Variants in LAMA5 observed in about 807,000 individuals in gnomAD.
LAMA5 encodes the protein laminin subunit alpha 5, also known as laminin subunit alpha-5.
In LAMA5, 260 loss-of-function variants were observed where a neutral mutation model predicts 433.4. The observed-to-expected ratio is 0.60, with a 90% CI of 0.54 to 0.66. The LOEUF (loss-of-function observed/expected upper bound fraction) is 0.66, where lower values mean the gene tolerates loss of function less well. Ranked by LOEUF, LAMA5 falls within the 30% of genes least tolerant of loss-of-function variation. The pLI is 0.00. For synonymous variants in LAMA5, 2,620 were observed against 2,226.6 expected (o/e 1.18, Z -4.97); for missense variants, 5,378 against 5,258.5 (o/e 1.02, Z -0.70).
chr20:62,345,754 T>G, intron 11 of LAMA5, 64 bp downstream of exon 11: 1 of 1,215,476 alleles, frequency 8.2e-7, no homozygotes, highest in Non-Finnish European at 1.2e-6. Flanking sequence ...CCAGGAACTT[T>G]CTGTGAAGCC....
chr20:62,360,155 CT>C (rs1985814113), intron 2 of LAMA5, among the ~76,000 whole-genome samples: 1 of 151,084 alleles, frequency 6.6e-6, no homozygotes, highest in Non-Finnish European at 1.5e-5. Flanking sequence ...TGGCAGCCCC[CT>C]GGCCTAGGCC....
chr20:62,323,974 C>T lies in LAMA5; in HGVS notation c.5768+106G>A, dbSNP rs1271360024. 2.8e-6 allele frequency: 4 copies of T among 1,422,726 alleles called. No homozygotes were observed. The African/African-American group carries it at 4.3e-5, about 15-fold the overall frequency. 88.1% of individuals were successfully genotyped at this position (1,422,726 alleles called of 1,614,324 possible). A position where few individuals can be genotyped will look rare whatever the true frequency, so the allele number is the denominator to read the frequency against. ...TCGGGGGCCCAGACCTCACGGACAC[C>T]TCCAGCTGTCCAGGCCTCTGCAGAG... On this transcript the variant is annotated intron_variant, in intron 43 of 79. Coordinates refer to ENST00000252999, the MANE Select transcript of LAMA5 (RefSeq NM_005560.6).
chr20:62,309,230 T>G lies in LAMA5; in HGVS notation c.*106A>C, dbSNP rs1009683703. 2 of 1,093,668 alleles carry G rather than the reference T, an allele frequency of 1.8e-6. No homozygotes were observed. The highest frequency in any genetic ancestry group is 1.6e-5 in the African/African-American group (1 of 62,916). 67.7% of individuals were successfully genotyped at this position (1,093,668 alleles called of 1,614,324 possible). On this transcript the variant is annotated 3_prime_UTR_variant, in exon 80 of 80. Coordinates refer to ENST00000252999, the MANE Select transcript of LAMA5 (RefSeq NM_005560.6). ...TTAAACCATCTTCAGAAACAAGATC[T>G]GTCACCCGTAGAGCTTAGAGTCCAA...
chr20:62,332,378 G>T lies in LAMA5; in HGVS notation c.3546C>A (p.Phe1182Leu), dbSNP rs774368540. Residue 1182 changes from phenylalanine (F) to leucine (L), a missense_variant, in exon 28 of 80, where the codon TTC becomes TTA. Phe to Leu is a conservative substitution (Grantham distance 22, BLOSUM62 0). Transcript: ENST00000252999. Reference protein sequence around the residue: ...SVRLTAEQARFFLHGVTLVPI... With the variant: ...SVRLTAEQARLFLHGVTLVPI... Reference sequence around the variant, plus strand: ...GGACCTGAGGGGTCCTTACCAGGAAGAAGCGTGCCTGTTCGGCTGTGAGCC... The same window carrying T: ...GGACCTGAGGGGTCCTTACCAGGAATAAGCGTGCCTGTTCGGCTGTGAGCC... 1.9e-6 allele frequency: 3 copies of T among 1,611,028 alleles called. No individual in the cohort carries two copies. The highest frequency in any genetic ancestry group is 1.1e-5 in the South Asian group (1 of 91,042).
At chr20:62,320,317 TC>T (rs1197864637) in intron 50 of LAMA5, among the ~76,000 whole-genome samples, 14 of 22,182 alleles carry the variant, frequency 6.3e-4, no homozygotes, top group Admixed American at 2.0e-3. Context: ...AAACTGTGTC[TC>T]AAAAAAAAAA....
intron 45 of LAMA5, among the ~76,000 whole-genome samples, chr20:62,323,254 G>C (rs1228938837): frequency 9.6e-6 from 1 of 104,218 alleles, no homozygotes; most frequent in East Asian, 2.7e-4. Context: ...CGCTGGGGCG[G>C]GAGGGCCTGA....
intron 1 of LAMA5, among the ~76,000 whole-genome samples, chr20:62,363,184 T>C (rs1986346278): frequency 1.3e-5 from 2 of 152,094 alleles, no homozygotes; most frequent in South Asian, 4.1e-4. Context: ...GATTAGGGTC[T>C]CCAGAGAGAC....
chr20:62,324,831 C>T lies in LAMA5; in HGVS notation c.5530-277G>A, dbSNP rs2146141903. 2.0e-6 allele frequency: 1 copy of T among 496,428 alleles called. No individual in the cohort carries two copies. The highest frequency in any genetic ancestry group is 3.7e-6 in the Non-Finnish European group (1 of 271,242). The allele number at this position is 496,428 out of a possible 1,614,324, so 30.8% of individuals were successfully genotyped here. On this transcript the variant is annotated intron_variant, in intron 41 of 79. Coordinates refer to ENST00000252999, the MANE Select transcript of LAMA5 (RefSeq NM_005560.6). This position sits in a 1 kb window ranked among gnomAD's most constrained non-coding sequence, Gnocchi z 4.4. ...AGGCCTTGGGGCTGGTGACCACCCA[C>T]TCCATGTGGACCAGGGCCTACTCTT...
At position 62,312,427 on chromosome 20, in the gene LAMA5, C is replaced by G; in HGVS notation, c.9333G>C (p.Val3111=). ...GCAGGTCGGCGGTGCAGCCGGCGCT[C>G]ACGCCTGTCGTGTTCAGCCGCTTGA... is the stretch of plus-strand genomic sequence containing the variant. ...VDLKRLNTTG[V]SAGCTADLLV... is the part of the protein sequence containing the mutation. The change falls in exon 68 of 80, where the codon GTG becomes GTC. Residue 3111 remains valine, a synonymous_variant. Transcript: ENST00000252999. 6.3e-7 allele frequency: 1 copy of G among 1,597,998 alleles called. No homozygotes were observed. Among genetic ancestry groups the G allele is most frequent in the Non-Finnish European group, 8.5e-7 (1 of 1,179,454 alleles).
intron 45 of LAMA5, among the ~76,000 whole-genome samples, chr20:62,323,213 C>T (rs62204513): frequency 0.23 from 33,548 of 148,518 alleles, 3,887 homozygotes; most frequent in African/African-American, 0.27. Context: ...TGTGATGGTC[C>T]GGGGGAGGCC....
In LAMA5 at chr20:62,311,211, G is replaced by A. The variant is rs1037948018; in HGVS notation, c.10039C>T (p.Leu3347=). ...CCCACAAACTCCAGGTGACTGGACA[G>A]GGAACCCCCAAACTGGTAGGAGTCT... ...TRDSYQFGGS[L]SSHLEFVGIL... The change falls in exon 73 of 80, where the codon CTG becomes TTG. Residue 3347 remains leucine, a synonymous_variant. Transcript: ENST00000252999. 6.2e-7 allele frequency: 1 copy of A among 1,610,128 alleles called. No individual in the cohort carries two copies. Among genetic ancestry groups the A allele is most frequent in the African/African-American group, 1.3e-5 (1 of 74,794 alleles).
At chr20:62,366,208 G>A (rs1452381316) in intron 1 of LAMA5, among the ~76,000 whole-genome samples, 1 of 152,216 alleles carries the variant, frequency 6.6e-6, no homozygotes, top group African/African-American at 2.4e-5. Flanking sequence ...TAAGTCTACA[G>A]GGCCCCAAGA....
Position 62,337,835 on chromosome 20 carries a change from G to A in LAMA5, c.1995C>T (p.Ser665=), listed in dbSNP as rs1166359552. The stretch of plus-strand genomic sequence containing the variant: ...AGCTGGGGAAGCCGTGAAAGCCGGG[G>A]CTGCATTCCTGGCAGGCAGTGCCTG... The part of the protein sequence containing the change: ...GYTGTACQEC[S]PGFHGFPSCV... Residue 665 remains serine, a synonymous_variant, in exon 15 of 80, where the codon AGC becomes AGT. Coordinates refer to ENST00000252999, the MANE Select transcript of LAMA5 (RefSeq NM_005560.6). The A allele has an allele frequency of 1.2e-6, 2 of 1,612,662 alleles. No homozygotes were observed. Among genetic ancestry groups the A allele is most frequent in the Non-Finnish European group, 1.7e-6 (2 of 1,179,966 alleles).
Position 62,310,440 on chromosome 20 carries a change from T to G in LAMA5, c.10579A>C (p.Ser3527Arg), listed in dbSNP as rs766741381. Residue 3527 changes from serine (S) to arginine (R), a missense_variant, in exon 76 of 80, where the codon AGC (serine) becomes CGC (arginine). Physicochemically the swap from Ser to Arg is moderately radical, Grantham distance 110. Coordinates refer to ENST00000252999, the MANE Select transcript of LAMA5 (RefSeq NM_005560.6). ...PLEAGLFFPG[S>R]GGVITLDLPG... ...AGACCTAAAGTGATAACTCCCCCGC[T>G]GCCTGGGAAGAACAGGCCCGCCTCC... is the stretch of plus-strand genomic sequence containing the variant. 37 of 1,604,882 alleles carry G rather than the reference T, an allele frequency of 2.3e-5. No homozygotes were observed. The highest frequency in any genetic ancestry group is 3.1e-5 in the Non-Finnish European group (37 of 1,176,704).
intron 40 of LAMA5, 125 bp downstream of exon 40, chr20:62,326,552 C>G: frequency 1.4e-6 from 1 of 731,418 alleles, no homozygotes; most frequent in South Asian, 1.8e-5. Context: ...GCCCCCACCC[C>G]GCTTCTGCTC....
intron 17 of LAMA5, 74 bp from the exon 18 acceptor site, chr20:62,336,519 C>T: frequency 7.3e-7 from 1 of 1,375,022 alleles, no homozygotes; most frequent in Non-Finnish European, 1.0e-6. Flanking sequence ...GCCATAGAGC[C>T]CTGACAAGGG....
At chr20:62,319,119 G>T in intron 51 of LAMA5, 106 bp from the exon 52 acceptor site, 1 of 1,267,348 alleles carries the variant, frequency 7.9e-7, no homozygotes, top group Non-Finnish European at 1.1e-6. Context: ...TGGCAGGCCA[G>T]GGGCCCGGAA....
At position 62,320,685 on chromosome 20, in the gene LAMA5, G is replaced by A. The variant is rs1311636920; in HGVS notation, c.6649-16C>T. 3.7e-6 allele frequency: 6 copies of A among 1,611,474 alleles called. No individual in the cohort carries two copies. The highest frequency in any genetic ancestry group is 1.7e-4 in the Middle Eastern group (1 of 6,040). ...GGAGCTGGCTCTGTGGGAGGCGAAAGGTGAAGGCCTGCACTGGCCCGGGTT... is the reference window on the plus strand; with the variant it reads ...GGAGCTGGCTCTGTGGGAGGCGAAAAGTGAAGGCCTGCACTGGCCCGGGTT... On this transcript the variant is annotated splice_polypyrimidine_tract_variant and intron_variant, in intron 49 of 79. Coordinates refer to ENST00000252999, the MANE Select transcript of LAMA5 (RefSeq NM_005560.6).
rs752677069 is a variant in LAMA5, at chr20:62,322,317, G to A, written c.6298C>T (p.Arg2100Cys). Reference protein sequence around the residue: ...CRPGTMGPQCRECAPGYWGLP... With the variant: ...CRPGTMGPQCCECAPGYWGLP... ...CCCCAGTAGCCAGGGGCACACTCGCGGCACTGGGGTCCCATGGTCCCTGGT... is the reference window on the plus strand; with the variant it reads ...CCCCAGTAGCCAGGGGCACACTCGCAGCACTGGGGTCCCATGGTCCCTGGT... The change falls in exon 47 of 80, where the codon CGC becomes TGC. Residue 2100 changes from arginine (R) to cysteine (C), a missense_variant. Arg to Cys is a radical substitution (Grantham distance 180). Transcript: ENST00000252999. 69 of 1,600,248 alleles carry A rather than the reference G, an allele frequency of 4.3e-5. No individual in the cohort carries two copies. Among genetic ancestry groups the A allele is most frequent in the Admixed American group, 1.7e-4 (10 of 58,900 alleles).
Sources: allele counts gnomAD v4.1 joint callset (sites outside exome capture counted in the v4.1 genomes callset), GRCh38; gene constraint gnomAD v4.1.1; non-coding constraint Gnocchi (gnomAD v3.1); transcripts MANE v1.5; gene names NCBI Gene and HGNC (gene_info 2026-07-23, HGNC 2026-07-21).